Variants in ENTHD1 observed in about 807,000 individuals in gnomAD.
The protein encoded by ENTHD1 is ENTH domain containing 1, also known as ENTH domain-containing protein 1.
In ENTHD1, 23 loss-of-function variants were observed where a neutral mutation model predicts 39.1. The observed-to-expected ratio is 0.59, with a 90% CI of 0.42 to 0.83. The LOEUF (loss-of-function observed/expected upper bound fraction) is 0.83, where lower values mean the gene tolerates loss of function less well. Among genes scored for constraint, ENTHD1 ranks in the 40% least tolerant of loss-of-function variants. ENTHD1 has a pLI of 0.00. For missense variants in ENTHD1, 624 were observed against 705.4 expected, an observed-to-expected ratio of 0.88 and a Z score of 1.31; for synonymous variants, 230 against 258.2, an observed-to-expected ratio of 0.89 and a Z score of 1.05.
chr22:39,765,492 A>G lies in ENTHD1; in HGVS notation c.950T>C (p.Leu317Ser), dbSNP rs768059180. The G allele has an allele frequency of 1.9e-6, 3 of 1,613,906 alleles. No individual in the cohort carries two copies. The highest frequency in any genetic ancestry group is 2.5e-6 in the Non-Finnish European group (3 of 1,179,936). Residue 317 changes from leucine to serine, a missense_variant, in exon 6 of 7, where the codon TTA becomes TCA. Physicochemically the swap from Leu to Ser is moderately radical, Grantham distance 145 (BLOSUM62 -2). Coordinates refer to ENST00000325157, the MANE Select transcript of ENTHD1 (RefSeq NM_152512.4). The stretch of plus-strand genomic sequence containing the variant: ...ACCTTCTGCAGCTGATTGCTTTTCT[A>G]AAGGTGTTTCCAAGAGGTTTTCTGT... ...TVTENLLETP[L>S]EKQSAAEGLK...
intron 5 of ENTHD1, among the ~76,000 whole-genome samples, chr22:39,786,906 G>A (rs1473923967): frequency 5.9e-5 from 9 of 152,070 alleles, no homozygotes; most frequent in African/African-American, 1.7e-4. Flanking sequence ...CATTACACAC[G>A]TGCATGTGCA....
At chr22:39,819,960 T>C (rs1034057143) in intron 5 of ENTHD1, among the ~76,000 whole-genome samples, 1 of 152,334 alleles carries the variant, frequency 6.6e-6, no homozygotes, top group East Asian at 1.9e-4. Context: ...AGCTTCTGGA[T>C]CTAAATCTGT....
At chr22:39,784,746 G>C (rs952516466) in intron 5 of ENTHD1, among the ~76,000 whole-genome samples, 1 of 152,132 alleles carries the variant, frequency 6.6e-6, no homozygotes, top group African/African-American at 2.4e-5. Flanking sequence ...CATGAAGATG[G>C]AGAGTAGAGT....
At chr22:39,835,340 A>G (rs879698912) in intron 4 of ENTHD1, among the ~76,000 whole-genome samples, 17 of 152,140 alleles carry the variant, frequency 1.1e-4, no homozygotes, top group African/African-American at 4.1e-4. Context: ...ATGGGTAGAA[A>G]AAGACTATTC....
rs550861069 is a variant in ENTHD1, at chr22:39,748,134, A to T, written c.1220-3851T>A. 4.5e-4 allele frequency among the ~76,000 whole-genome samples: 69 copies of T among 151,930 alleles called. 1 individual carries two copies. Among genetic ancestry groups the T allele is most frequent in the South Asian group, 1.0e-3 (5 of 4,812 alleles). ...CATGGTGGTGTGTACCTGTGGTCCC[A>T]CCTACTTGGGAGACTAAAGTGGGAG... On this transcript the variant is annotated intron_variant, in intron 6 of 6. Coordinates refer to ENST00000325157, the MANE Select transcript of ENTHD1 (RefSeq NM_152512.4).
chr22:39,833,974 C>G (rs925681912), intron 4 of ENTHD1, among the ~76,000 whole-genome samples: 4 of 151,006 alleles, frequency 2.6e-5, no homozygotes, highest in African/African-American at 4.9e-5. Flanking sequence ...ATTAAAAGCC[C>G]TTTATCTATA....
At chr22:39,801,723 G>A (rs1039795998) in intron 5 of ENTHD1, among the ~76,000 whole-genome samples, 12 of 152,130 alleles carry the variant, frequency 7.9e-5, no homozygotes, top group African/African-American at 2.9e-4. Context: ...TCAGAAACAT[G>A]AGCAAAGACT....
rs569171901 is a variant in ENTHD1, at chr22:39,890,381, CT to C, written c.-155-2479del. On this transcript the variant is annotated intron_variant, in intron 1 of 6. Transcript: ENST00000325157. ...CAGGAGGGTTTTTTTTTCTATTGTC[CT>C]TTTTTTCCTTCTACCAAACTCACTC... Among the ~76,000 whole-genome samples, 787 of 151,742 alleles carry C rather than the reference CT, an allele frequency of 5.2e-3. 10 individuals carry two copies. The highest frequency in any genetic ancestry group is 0.018 in the African/African-American group (750 of 41,448).
At chr22:39,759,081 G>C (rs1251164542) in intron 6 of ENTHD1, among the ~76,000 whole-genome samples, 1 of 152,074 alleles carries the variant, frequency 6.6e-6, no homozygotes, top group Non-Finnish European at 1.5e-5. Flanking sequence ...TACTTTTCTT[G>C]AAATGTCTTT....
At chr22:39,756,573 T>C (rs1344228573) in intron 6 of ENTHD1, among the ~76,000 whole-genome samples, 1 of 152,072 alleles carries the variant, frequency 6.6e-6, no homozygotes, top group Non-Finnish European at 1.5e-5. Context: ...CCTCAAGTGA[T>C]CCTCCTGCCT....
At chr22:39,852,520 T>A (rs1457119146) in intron 3 of ENTHD1, among the ~76,000 whole-genome samples, 1 of 152,252 alleles carries the variant, frequency 6.6e-6, no homozygotes, top group Non-Finnish European at 1.5e-5. Context: ...AGAAATGCAT[T>A]GCTAGGCAAT....
intron 3 of ENTHD1, among the ~76,000 whole-genome samples, chr22:39,836,253 TTGAC>T (rs1280516550): frequency 3.3e-5 from 5 of 152,300 alleles, no homozygotes; most frequent in African/African-American, 9.6e-5. Context: ...GTGGTTTTGA[TTGAC>T]TGCATACTAA....
intron 3 of ENTHD1, among the ~76,000 whole-genome samples, chr22:39,851,290 T>G (rs902975901): frequency 6.6e-6 from 1 of 152,232 alleles, no homozygotes. Flanking sequence ...GCATATCTTC[T>G]AGCTCACTAA....
At chr22:39,771,061 G>T (rs1391931463) in intron 5 of ENTHD1, among the ~76,000 whole-genome samples, 1 of 152,148 alleles carries the variant, frequency 6.6e-6, no homozygotes, top group African/African-American at 2.4e-5. Context: ...TGGATTTTCA[G>T]ATTAGGTGTG....
chr22:39,753,746 A>G (rs958981694), intron 6 of ENTHD1, among the ~76,000 whole-genome samples: 3 of 152,162 alleles, frequency 2.0e-5, no homozygotes, highest in South Asian at 2.1e-4. Context: ...CCTCACCGCA[A>G]TGACCTTCAG....
At chr22:39,770,830 G>A (rs2065315603) in intron 5 of ENTHD1, among the ~76,000 whole-genome samples, 1 of 152,182 alleles carries the variant, frequency 6.6e-6, no homozygotes, top group Non-Finnish European at 1.5e-5. Context: ...CTGTACCCAT[G>A]ATATCCTGGT....
At chr22:39,847,504 C>T (rs1027135497) in intron 3 of ENTHD1, among the ~76,000 whole-genome samples, 16 of 150,472 alleles carry the variant, frequency 1.1e-4, no homozygotes, top group South Asian at 8.5e-4. Flanking sequence ...TACCCTAAAA[C>T]TTAAAGTATA....
At chr22:39,817,981 A>C (rs1298052398) in intron 5 of ENTHD1, among the ~76,000 whole-genome samples, 1 of 152,182 alleles carries the variant, frequency 6.6e-6, no homozygotes, top group Non-Finnish European at 1.5e-5. Context: ...TCCTTCCTCC[A>C]TGGAGAGGTT....
intron 4 of ENTHD1, among the ~76,000 whole-genome samples, chr22:39,826,527 A>G (rs2065827966): frequency 6.6e-6 from 1 of 151,730 alleles, no homozygotes; most frequent in Admixed American, 6.6e-5. Context: ...TTGATTTCAA[A>G]CCTTTCCTCT....
Sources: allele counts gnomAD v4.1 joint callset (sites outside exome capture counted in the v4.1 genomes callset), GRCh38; gene constraint gnomAD v4.1.1; transcripts MANE v1.5; gene names NCBI Gene and HGNC (gene_info 2026-07-23, HGNC 2026-07-21).